Variants in ATXN2 observed in about 807,000 individuals in gnomAD.
The protein encoded by ATXN2 is ataxin-2.
ATXN2 carries 37 observed loss-of-function variants against 138.6 expected under a neutral mutation model. The ratio of observed to expected loss-of-function variants is 0.27; its 90% CI spans 0.21 to 0.35. ATXN2 has a LOEUF of 0.35. Among genes scored for constraint, ATXN2 ranks in the 10% least tolerant of loss-of-function variants. The pLI is 1.00. For synonymous variants in ATXN2, 549 were observed against 543.7 expected (o/e 1.01, Z -0.13); for missense variants, 1,216 against 1,480.3 (o/e 0.82, Z 2.93).
chr12:111,543,586 A>G (rs1566054542), intron 5 of ATXN2, among the ~76,000 whole-genome samples: 1 of 152,178 alleles, frequency 6.6e-6, no homozygotes, highest in Non-Finnish European at 1.5e-5. Flanking sequence ...GGCGCACACC[A>G]GCACACCAGG....
chr12:111,464,630 A>T, intron 21 of ATXN2, 32 bp downstream of exon 21: 3 of 1,542,570 alleles, frequency 1.9e-6, no homozygotes, highest in Non-Finnish European at 2.7e-6. Context: ...TTTACTGTAC[A>T]ATTAAAAATT....
chr12:111,485,418 A>G, intron 17 of ATXN2, 87 bp from the exon 18 acceptor site: 1 of 1,298,506 alleles, frequency 7.7e-7, no homozygotes, highest in Admixed American at 1.9e-5. Flanking sequence ...ATTGCTAGAG[A>G]GCTAGGCATG....
At chr12:111,464,635 A>G (rs765404902) in intron 21 of ATXN2, 27 bp downstream of exon 21, 1 of 1,565,466 alleles carries the variant, frequency 6.4e-7, no homozygotes, top group Admixed American at 1.7e-5. Flanking sequence ...TGTACAATTA[A>G]AAATTAGTAT....
chr12:111,482,071 G>A (rs185343844), intron 18 of ATXN2, among the ~76,000 whole-genome samples: 4 of 152,080 alleles, frequency 2.6e-5, no homozygotes, highest in African/African-American at 9.7e-5. Context: ...GTATATTCAG[G>A]CCAGGAGCAG....
At chr12:111,553,388 T>C (rs1882218298) in intron 3 of ATXN2, among the ~76,000 whole-genome samples, 1 of 151,978 alleles carries the variant, frequency 6.6e-6, no homozygotes, top group African/African-American at 2.4e-5. Context: ...TTACATAAAA[T>C]GTAATAGTAT....
At position 111,598,925 on chromosome 12, in the gene ATXN2, C is replaced by A; in HGVS notation, c.110G>T (p.Arg37Leu). 2 of 1,511,436 alleles carry A rather than the reference C, an allele frequency of 1.3e-6. No homozygotes were observed. The highest frequency in any genetic ancestry group is 1.8e-6 in the Non-Finnish European group (2 of 1,135,238). The allele number at this position is 1,511,436 out of a possible 1,614,324, so 93.6% of individuals were successfully genotyped here. A position where few individuals can be genotyped will look rare whatever the true frequency, so the allele number is the denominator to read the frequency against. Residue 37 changes from arginine to leucine, a missense_variant, in exon 1 of 25, where the codon CGC becomes CTC. By Grantham distance (102) the Arg-to-Leu change is moderately radical. Coordinates refer to ENST00000673436, the MANE Select transcript of ATXN2 (RefSeq NM_001372574.1). This position sits in a 1 kb window ranked among gnomAD's most constrained non-coding sequence, Gnocchi z 4.5. The stretch of plus-strand genomic sequence containing the variant: ...TAGAAGGCCGCTGCCGCCGGGCTTG[C>A]GGACATTGGCAGCCGCGGGCGGCGG... The part of the protein sequence containing the change: ...QQPPPAAANV[R>L]KPGGSGLLAS...
intron 5 of ATXN2, among the ~76,000 whole-genome samples, chr12:111,530,769 G>T (rs886869607): frequency 6.6e-6 from 1 of 151,980 alleles, no homozygotes; most frequent in African/African-American, 2.4e-5. Context: ...AGCAGAGATC[G>T]CGCCACTGCA....
intron 14 of ATXN2, among the ~76,000 whole-genome samples, chr12:111,500,114 T>C (rs1284869099): frequency 6.6e-6 from 1 of 152,222 alleles, no homozygotes; most frequent in African/African-American, 2.4e-5. Context: ...CTGCTAGGTA[T>C]ATACTCAGAA....
At chr12:111,507,486 G>A (rs1321273238) in intron 14 of ATXN2, among the ~76,000 whole-genome samples, 1 of 151,832 alleles carries the variant, frequency 6.6e-6, no homozygotes, top group African/African-American at 2.4e-5. Context: ...CCGTCCGGGA[G>A]GGAGGTGGGG....
intron 1 of ATXN2, among the ~76,000 whole-genome samples, chr12:111,570,895 G>T (rs16941578): frequency 0.1 from 15,296 of 152,152 alleles, 2,561 homozygotes; most frequent in African/African-American, 0.35. Flanking sequence ...CTAAACTGTA[G>T]CCATTCATAC....
intron 12 of ATXN2, 65 bp downstream of exon 12, chr12:111,510,320 A>T: frequency 6.6e-7 from 1 of 1,505,276 alleles, no homozygotes; most frequent in Admixed American, 2.0e-5. Context: ...TTTTCATATA[A>T]TATCACCCTC....
At chr12:111,533,229 A>G (rs543709860) in intron 5 of ATXN2, among the ~76,000 whole-genome samples, 1 of 152,366 alleles carries the variant, frequency 6.6e-6, no homozygotes, top group Non-Finnish European at 1.5e-5. Flanking sequence ...CAAATGATCC[A>G]TTTGAAAATA....
rs1325863583 is a variant in ATXN2, at chr12:111,568,786, A to C, written c.252-12867T>G. Reference sequence around the variant, plus strand: ...GTTAGACAATTAACTAAAATCTAGAAATCAAGTTCCACCTCTTAAGGTTAA... The same window carrying C: ...GTTAGACAATTAACTAAAATCTAGACATCAAGTTCCACCTCTTAAGGTTAA... On this transcript the variant is annotated intron_variant, in intron 1 of 24. Transcript: ENST00000673436. Among the ~76,000 whole-genome samples the C allele has an allele frequency of 2.0e-5, 3 of 152,170 alleles. No homozygotes were observed. The East Asian group carries it at 5.8e-4, about 29-fold the overall frequency.
At position 111,459,211 on chromosome 12, in the gene ATXN2, GTA is replaced by G. The variant is rs1372977183; in HGVS notation, c.2897-1854_2897-1853del. The stretch of plus-strand genomic sequence containing the variant: ...TCTTCTGGGAGCTAGAACAAATGAT[GTA>G]CAAACGATGAAGCCTTCCTGAGCTT... On this transcript the variant is annotated intron_variant, in intron 21 of 24. Transcript: ENST00000673436. 2.0e-5 allele frequency among the ~76,000 whole-genome samples: 3 copies of G among 152,334 alleles called. No individual in the cohort carries two copies. In the East Asian group the frequency reaches 5.8e-4, roughly 29 times the overall value.
chr12:111,507,527 C>A (rs142096264), intron 14 of ATXN2, among the ~76,000 whole-genome samples: 1 of 151,284 alleles, frequency 6.6e-6, no homozygotes, highest in African/African-American at 2.4e-5. Flanking sequence ...CCGCCCCATC[C>A]GGGAGGGAGG....
chr12:111,466,946 T>A (rs1000419169), intron 20 of ATXN2, among the ~76,000 whole-genome samples: 1 of 152,064 alleles, frequency 6.6e-6, no homozygotes, highest in Admixed American at 6.6e-5. Flanking sequence ...TCAGGGAAGA[T>A]GAGTATAAAA....
At chr12:111,537,708 A>C (rs1592876311) in intron 5 of ATXN2, among the ~76,000 whole-genome samples, 1 of 152,230 alleles carries the variant, frequency 6.6e-6, no homozygotes, top group Non-Finnish European at 1.5e-5. Context: ...ATTGAAACAA[A>C]CAGAGAGGAA....
At chr12:111,455,269 C>T (rs1874990887) in intron 23 of ATXN2, 3 of 628,710 alleles carry the variant, frequency 4.8e-6, no homozygotes, top group South Asian at 3.4e-5. Context: ...TAGAGCCCAA[C>T]TTCAGTGCAG....
At chr12:111,581,261 A>G in intron 1 of ATXN2, 1 of 404,866 alleles carries the variant, frequency 2.5e-6, no homozygotes, top group Non-Finnish European at 4.6e-6. Context: ...TTCACCCGTA[A>G]ATAGAATGAG....
Sources: gnomAD v4.1 joint callset for allele counts (sites outside exome capture counted in the v4.1 genomes callset) on GRCh38, gnomAD v4.1.1 for gene constraint, Gnocchi (gnomAD v3.1) non-coding constraint, MANE v1.5 for transcripts, NCBI Gene and HGNC (gene_info 2026-07-23, HGNC 2026-07-21) for gene names.